The following GJB7 variants were observed in gnomAD, a reference collection of about 807,000 sequenced individuals.
GJB7 encodes the protein gap junction protein beta 7.
For synonymous variants in GJB7, 87 were observed against 95.2 expected (o/e 0.91, Z 0.50); for missense variants, 253 against 256.8 (o/e 0.99, Z 0.10).
intron 1 of GJB7, among the ~76,000 whole-genome samples, chr6:87,324,985 C>T (rs1471070833): frequency 6.6e-6 from 1 of 152,010 alleles, no homozygotes; most frequent in Non-Finnish European, 1.5e-5. Context: ...AGGTCCTTCA[C>T]ATCCCTTGTA....
chr6:87,305,147 T>A (rs1488121049), intron 2 of GJB7, among the ~76,000 whole-genome samples: 8 of 152,136 alleles, frequency 5.3e-5, no homozygotes, highest in Non-Finnish European at 1.2e-4. Context: ...ACCACTCCTA[T>A]TCAACATAGT....
intron 1 of GJB7, 73 bp downstream of exon 1, chr6:87,329,065 A>C (rs1776922465): frequency 6.6e-6 from 1 of 152,664 alleles, no homozygotes. Context: ...GAACTCCCTG[A>C]CCCCTTGCAC....
At chr6:87,286,486 A>G (rs982496700) in intron 2 of GJB7, among the ~76,000 whole-genome samples, 6 of 152,086 alleles carry the variant, frequency 3.9e-5, no homozygotes, top group Admixed American at 2.0e-4. Context: ...TTCCAGTCTC[A>G]TTATCTCCTT....
chr6:87,298,112 T>A (rs1776271013), intron 2 of GJB7, among the ~76,000 whole-genome samples: 1 of 152,248 alleles, frequency 6.6e-6, no homozygotes, highest in African/African-American at 2.4e-5. Context: ...CTATTGGCTA[T>A]GACAGATTTG....
chr6:87,291,596 G>T (rs1303743006), intron 2 of GJB7, among the ~76,000 whole-genome samples: 2 of 152,080 alleles, frequency 1.3e-5, no homozygotes, highest in East Asian at 1.9e-4. Flanking sequence ...CTCAGGCCTG[G>T]CATTCTTTCT....
chr6:87,285,278 T>C (rs1040048137), intron 2 of GJB7, among the ~76,000 whole-genome samples: 1 of 152,228 alleles, frequency 6.6e-6, no homozygotes, highest in Non-Finnish European at 1.5e-5. Context: ...GTTACTGATA[T>C]GAAGAGAATT....
rs138353421 is a variant in GJB7 at position 87,305,393 on chromosome 6, T to C, written c.-28+17473A>G. Among the ~76,000 whole-genome samples the C allele has an allele frequency of 3.3e-5, 5 of 151,658 alleles. No homozygotes were observed. The East Asian group carries it at 7.7e-4, about 23-fold the overall frequency. Reference sequence around the variant, plus strand: ...CTTATACACCAATAACAGACAAACATAGAGCCAAATCATGAGTGAATTCCC... The same window carrying C: ...CTTATACACCAATAACAGACAAACACAGAGCCAAATCATGAGTGAATTCCC... On this transcript the variant is annotated intron_variant, in intron 2 of 2. Coordinates refer to ENST00000525899, the MANE Select transcript of GJB7 (RefSeq NM_198568.3).
Position 87,305,323 on chromosome 6 carries a change from C to T in GJB7, c.-28+17543G>A, listed in dbSNP as rs1434211832. 3.3e-5 allele frequency among the ~76,000 whole-genome samples: 5 copies of T among 152,144 alleles called. No homozygotes were observed. In the East Asian group the frequency reaches 7.7e-4, roughly 23 times the overall value. On this transcript the variant is annotated intron_variant, in intron 2 of 2. Coordinates refer to ENST00000525899, the MANE Select transcript of GJB7 (RefSeq NM_198568.3). ...TCCTTAAGCTGATAAGCAATTTCAG[C>T]AAAGTCTCAGGATACAAAATCAATG...
Position 87,328,505 on chromosome 6 carries a change from C to G in GJB7, c.-206+633G>C, listed in dbSNP as rs1776897141. Among the ~76,000 whole-genome samples, 4 of 151,512 alleles carry G rather than the reference C, an allele frequency of 2.6e-5. No individual in the cohort carries two copies. In the South Asian group the frequency reaches 8.3e-4, roughly 31 times the overall value. ...GTAAGCTTCAGGTCTGTTGGAGTAC[C>G]CGGCCGTGTGAGGTATCAGTCTGCC... is the stretch of plus-strand genomic sequence containing the variant. On this transcript the variant is annotated intron_variant, in intron 1 of 2. Coordinates refer to ENST00000525899, the MANE Select transcript of GJB7 (RefSeq NM_198568.3).
intron 2 of GJB7, among the ~76,000 whole-genome samples, chr6:87,288,328 T>C (rs1776099860): frequency 6.6e-6 from 1 of 152,214 alleles, no homozygotes; most frequent in Admixed American, 6.5e-5. Context: ...CTTTCATATG[T>C]ATATATTTGG....
intron 2 of GJB7, among the ~76,000 whole-genome samples, chr6:87,317,797 G>T (rs1368198357): frequency 6.6e-6 from 1 of 152,090 alleles, no homozygotes; most frequent in Non-Finnish European, 1.5e-5. Flanking sequence ...AATTCCTGGT[G>T]CCCAGGAAAG....
intron 2 of GJB7, among the ~76,000 whole-genome samples, chr6:87,285,267 T>C (rs1271190317): frequency 6.6e-6 from 1 of 152,210 alleles, no homozygotes; most frequent in East Asian, 1.9e-4. Context: ...GGATGGGTCA[T>C]GTTACTGATA....
At chr6:87,316,907 T>C (rs1036343383) in intron 2 of GJB7, among the ~76,000 whole-genome samples, 1 of 152,212 alleles carries the variant, frequency 6.6e-6, no homozygotes, top group Non-Finnish European at 1.5e-5. Context: ...TCCTCTGACC[T>C]GAAACATCCT....
At chr6:87,305,347 T>C (rs1163841481) in intron 2 of GJB7, among the ~76,000 whole-genome samples, 2 of 152,134 alleles carry the variant, frequency 1.3e-5, no homozygotes, top group East Asian at 3.8e-4. Flanking sequence ...ACAAAATCAA[T>C]GTGCAAAAAT....
chr6:87,284,340 A>G lies in GJB7; in HGVS notation c.573T>C (p.Ile191=), dbSNP rs1448917697. The G allele has an allele frequency of 6.2e-7, 1 of 1,614,124 alleles. No homozygotes were observed. Among genetic ancestry groups the G allele is most frequent in the East Asian group, 2.2e-5 (1 of 44,876 alleles). Residue 191 remains isoleucine, a synonymous_variant, in exon 3 of 3, where the codon ATT becomes ATC. Coordinates refer to ENST00000525899, the MANE Select transcript of GJB7 (RefSeq NM_198568.3). ...LFLVITSCLC[I]VLNFIELSFL... is the part of the protein sequence containing the mutation. The stretch of plus-strand genomic sequence containing the variant: ...AACTCAGTTCAATGAAATTCAACAC[A>G]ATACACAAGCATGAGGTGATGACCA...
chr6:87,287,873 CTTTTA>C (rs763386976), intron 2 of GJB7, among the ~76,000 whole-genome samples: 8 of 152,068 alleles, frequency 5.3e-5, no homozygotes, highest in Middle Eastern at 6.3e-3. Context: ...ATAATTATGA[CTTTTA>C]TTTTATAAAT....
At chr6:87,323,907 C>T (rs1201072136) in intron 1 of GJB7, among the ~76,000 whole-genome samples, 2 of 152,112 alleles carry the variant, frequency 1.3e-5, no homozygotes, top group Non-Finnish European at 2.9e-5. Context: ...AAAAGTGTTC[C>T]TGTTTCTCCA....
At chr6:87,285,836 T>C (rs1776051247) in intron 2 of GJB7, among the ~76,000 whole-genome samples, 3 of 152,226 alleles carry the variant, frequency 2.0e-5, no homozygotes, top group Non-Finnish European at 2.9e-5. Context: ...CCTCAACTCA[T>C]TGAGTCTAGT....
intron 2 of GJB7, among the ~76,000 whole-genome samples, chr6:87,296,875 T>C (rs951476171): frequency 1.3e-5 from 2 of 152,172 alleles, no homozygotes; most frequent in African/African-American, 4.8e-5. Flanking sequence ...GAGCCGACAT[T>C]CTAAATTAGC....
Sources: gnomAD v4.1 joint callset for allele counts (sites outside exome capture counted in the v4.1 genomes callset) on GRCh38, gnomAD v4.1.1 for gene constraint, MANE v1.5 for transcripts, NCBI Gene and HGNC (gene_info 2026-07-23, HGNC 2026-07-21) for gene names.